Variants in KCNJ3 observed in about 807,000 individuals in gnomAD.
The protein encoded by KCNJ3 is G protein-activated inward rectifier potassium channel 1.
KCNJ3 carries 4 observed loss-of-function variants against 39.2 expected under a neutral mutation model. That is an observed-to-expected ratio of 0.10 (90% CI 0.05 to 0.23). KCNJ3 has a LOEUF of 0.23. KCNJ3 is among the 10% of genes least tolerant of loss of function. KCNJ3 has a pLI of 1.00. For synonymous variants in KCNJ3, 230 were observed against 237.4 expected, an observed-to-expected ratio of 0.97 and a Z score of 0.29; for missense variants, 276 against 634.9, an observed-to-expected ratio of 0.43 and a Z score of 6.08.
At chr2:154,726,796 TACACACACACACACAC>T (rs58366846) in intron 2 of KCNJ3, among the ~76,000 whole-genome samples, 18 of 115,374 alleles carry the variant, frequency 1.6e-4, no homozygotes, top group African/African-American at 4.9e-4. Context: ...TTTATATACA[TACACACACACACACAC>T]ACACACACAC....
chr2:154,774,333 C>T (rs935258121), intron 2 of KCNJ3, among the ~76,000 whole-genome samples: 6 of 152,140 alleles, frequency 3.9e-5, no homozygotes, highest in Non-Finnish European at 7.4e-5. Flanking sequence ...ACTAGTTTTA[C>T]AGCACTTGGA....
chr2:154,782,376 C>T (rs1260250448), intron 2 of KCNJ3, among the ~76,000 whole-genome samples: 1 of 152,074 alleles, frequency 6.6e-6, no homozygotes, highest in African/African-American at 2.4e-5. Context: ...GAACAGTGAT[C>T]GGCCCATAGT....
At chr2:154,795,598 G>A (rs1404018231) in intron 2 of KCNJ3, among the ~76,000 whole-genome samples, 4 of 151,942 alleles carry the variant, frequency 2.6e-5, no homozygotes, top group Non-Finnish European at 5.9e-5. Context: ...TTTAGCTTAC[G>A]AAGGGCATTT....
rs192110716 is a variant in KCNJ3, at chr2:154,776,046, G to A, written c.919+66227G>A. ...GATGGAATTTCGCTCTTGTTGCCTA[G>A]GCTGGAGTGTAGTGGTGCAATCTCG... is the stretch of plus-strand genomic sequence containing the variant. On this transcript the variant is annotated intron_variant, in intron 2 of 2. Transcript: ENST00000295101. Among the ~76,000 whole-genome samples the A allele has an allele frequency of 2.7e-5, 4 of 150,168 alleles. No homozygotes were observed. The East Asian group carries it at 7.8e-4, about 29-fold the overall frequency.
chr2:154,764,404 C>T (rs1247013287), intron 2 of KCNJ3, among the ~76,000 whole-genome samples: 1 of 152,092 alleles, frequency 6.6e-6, no homozygotes, highest in East Asian at 1.9e-4. Flanking sequence ...AGACAACTTG[C>T]CTTCCATCCT....
intron 2 of KCNJ3, among the ~76,000 whole-genome samples, chr2:154,768,746 G>T (rs1434611320): frequency 6.6e-6 from 1 of 152,088 alleles, no homozygotes; most frequent in Non-Finnish European, 1.5e-5. Flanking sequence ...AGCTTGATGG[G>T]GATGGCATTG....
At chr2:154,829,863 T>TTTTTA (rs1259823309) in intron 2 of KCNJ3, among the ~76,000 whole-genome samples, 1 of 152,186 alleles carries the variant, frequency 6.6e-6, no homozygotes, top group Non-Finnish European at 1.5e-5. Flanking sequence ...GTGGTTTTGA[T>TTTTTA]TTTTATTTTT....
intron 2 of KCNJ3, among the ~76,000 whole-genome samples, chr2:154,800,299 G>A (rs535458339): frequency 4.2e-4 from 64 of 152,178 alleles, no homozygotes; most frequent in Non-Finnish European, 7.9e-4. Flanking sequence ...GCTAAATGAA[G>A]TCAAGTGTTC....
intron 2 of KCNJ3, among the ~76,000 whole-genome samples, chr2:154,834,678 G>A (rs888444670): frequency 8.6e-5 from 13 of 151,886 alleles, no homozygotes; most frequent in South Asian, 4.2e-4. Context: ...ACAGTGAGCC[G>A]AGTGAGCCAC....
At chr2:154,722,483 GAGA>G (rs565368815) in intron 2 of KCNJ3, among the ~76,000 whole-genome samples, 345 of 152,314 alleles carry the variant, frequency 2.3e-3, no homozygotes, top group Admixed American at 5.0e-3. Context: ...TGTAAGAGAA[GAGA>G]AGAACTTGCT....
chr2:154,767,334 A>G (rs1401112299), intron 2 of KCNJ3, among the ~76,000 whole-genome samples: 2 of 146,526 alleles, frequency 1.4e-5, no homozygotes, highest in Non-Finnish European at 3.0e-5. Flanking sequence ...ATCCCTCCCC[A>G]CTCCCCCCAC....
chr2:154,766,834 A>G (rs1686144955), intron 2 of KCNJ3, among the ~76,000 whole-genome samples: 1 of 152,122 alleles, frequency 6.6e-6, no homozygotes, highest in Non-Finnish European at 1.5e-5. Context: ...GATTACAGGC[A>G]TGAGCCACTG....
At chr2:154,782,946 G>C (rs976782748) in intron 2 of KCNJ3, among the ~76,000 whole-genome samples, 2 of 152,142 alleles carry the variant, frequency 1.3e-5, no homozygotes, top group African/African-American at 2.4e-5. Context: ...GGAGGCCAAG[G>C]CAGGCAGATC....
chr2:154,727,527 G>A (rs1354129445), intron 2 of KCNJ3, among the ~76,000 whole-genome samples: 1 of 148,794 alleles, frequency 6.7e-6, no homozygotes, highest in African/African-American at 2.5e-5. Context: ...AGGGGGCGGA[G>A]GTTGCTGGTG....
At chr2:154,759,453 G>A (rs761052184) in intron 2 of KCNJ3, among the ~76,000 whole-genome samples, 1 of 151,480 alleles carries the variant, frequency 6.6e-6, no homozygotes, top group African/African-American at 2.4e-5. Context: ...CAAACATATA[G>A]GTAAGAGTAA....
intron 2 of KCNJ3, among the ~76,000 whole-genome samples, chr2:154,766,438 T>C (rs1344592635): frequency 4.6e-5 from 7 of 152,170 alleles, no homozygotes; most frequent in Non-Finnish European, 5.9e-5. Context: ...TGAAGCTCAA[T>C]ATTCAAAGAA....
chr2:154,711,185 G>A (rs1284858296), intron 2 of KCNJ3, among the ~76,000 whole-genome samples: 1 of 151,854 alleles, frequency 6.6e-6, no homozygotes, highest in Non-Finnish European at 1.5e-5. Flanking sequence ...AAATATCATA[G>A]TATTTTTTAA....
At chr2:154,722,733 G>A (rs930287210) in intron 2 of KCNJ3, among the ~76,000 whole-genome samples, 15 of 152,168 alleles carry the variant, frequency 9.9e-5, no homozygotes, top group African/African-American at 3.6e-4. Context: ...TGGAGACAGT[G>A]TAAAATAGGG....
At chr2:154,779,236 T>A (rs1686391306) in intron 2 of KCNJ3, among the ~76,000 whole-genome samples, 1 of 151,844 alleles carries the variant, frequency 6.6e-6, no homozygotes, top group South Asian at 2.1e-4. Flanking sequence ...TTGAGTCACT[T>A]ACCTCTAGCC....
Sources: allele counts gnomAD v4.1 joint callset (sites outside exome capture counted in the v4.1 genomes callset), GRCh38; gene constraint gnomAD v4.1.1; transcripts MANE v1.5; gene names NCBI Gene and HGNC (gene_info 2026-07-23, HGNC 2026-07-21).